Variants in AGMO observed in about 807,000 individuals in gnomAD.
The protein encoded by AGMO is glyceryl-ether monooxygenase.
Under a neutral mutation model 60.2 loss-of-function variants are expected in AGMO, and 75 were observed. The ratio of observed to expected loss-of-function variants is 1.25; its 90% confidence interval spans 1.03 to 1.51. The LOEUF (loss-of-function observed/expected upper bound fraction) is 1.51, where lower values mean the gene tolerates loss of function less well. Ranked by LOEUF, AGMO falls within the 40% of genes most tolerant of loss-of-function variation. The probability of loss-of-function intolerance (pLI) is 0.00; values close to 1 mark genes in which losing one functional copy is unlikely to be tolerated. For missense variants in AGMO, 763 were observed against 525.5 expected, an observed-to-expected ratio of 1.45 and a Z score of -4.42; for synonymous variants, 261 against 177.1, an observed-to-expected ratio of 1.47 and a Z score of -3.76.
chr7:15,427,623 T>C (rs1482456306), intron 4 of AGMO, among the ~76,000 whole-genome samples: 1 of 152,196 alleles, frequency 6.6e-6, no homozygotes, highest in African/African-American at 2.4e-5. Flanking sequence ...AAAAATGAAG[T>C]TATAATCCTG....
intron 12 of AGMO, among the ~76,000 whole-genome samples, chr7:15,290,851 G>T (rs1583370014): frequency 6.6e-6 from 1 of 152,274 alleles, no homozygotes; most frequent in South Asian, 2.1e-4. Context: ...TAGACCACCT[G>T]ATTCAGAATC....
At chr7:15,495,926 C>T (rs2128523095) in intron 3 of AGMO, among the ~76,000 whole-genome samples, 1 of 151,928 alleles carries the variant, frequency 6.6e-6, no homozygotes, top group South Asian at 2.1e-4. Context: ...TATAAGGGCA[C>T]AAAATTCATT....
intron 12 of AGMO, among the ~76,000 whole-genome samples, chr7:15,353,972 T>C (rs1011864071): frequency 6.6e-6 from 1 of 152,172 alleles, no homozygotes; most frequent in Admixed American, 6.5e-5. Context: ...CAATACATTT[T>C]GGAAAATTTC....
At chr7:15,283,540 C>G (rs769367490) in intron 12 of AGMO, among the ~76,000 whole-genome samples, 1 of 151,780 alleles carries the variant, frequency 6.6e-6, no homozygotes, top group Non-Finnish European at 1.5e-5. Context: ...TATTATAATC[C>G]TAAATTTACA....
chr7:15,263,249 T>C (rs879078078), intron 12 of AGMO, among the ~76,000 whole-genome samples: 1 of 151,228 alleles, frequency 6.6e-6, no homozygotes, highest in East Asian at 1.9e-4. Flanking sequence ...AAAAATCCCA[T>C]CAAAAACCAG....
intron 12 of AGMO, among the ~76,000 whole-genome samples, chr7:15,248,459 T>G (rs1322058410): frequency 6.6e-6 from 1 of 151,820 alleles, no homozygotes; most frequent in African/African-American, 2.4e-5. Context: ...AATTGCCAAT[T>G]TCTATTCATT....
chr7:15,301,616 T>A (rs149547344), intron 12 of AGMO, among the ~76,000 whole-genome samples: 2 of 152,008 alleles, frequency 1.3e-5, no homozygotes, highest in African/African-American at 4.8e-5. Context: ...AGCAAAAGCA[T>A]AGGAATGCTA....
the AGMO span, among the ~76,000 whole-genome samples, chr7:15,150,471 A>G: frequency 6.6e-6 from 1 of 152,088 alleles, no homozygotes; most frequent in Non-Finnish European, 1.5e-5. Flanking sequence ...ATTTTGAGGT[A>G]TGTTCCTTCA....
intron 3 of AGMO, among the ~76,000 whole-genome samples, chr7:15,542,072 A>G (rs1353237481): frequency 6.6e-6 from 1 of 152,136 alleles, no homozygotes; most frequent in Non-Finnish European, 1.5e-5. Flanking sequence ...GAAATTTGAT[A>G]TTATATGGGG....
At chr7:15,322,806 T>G (rs1225108222) in intron 12 of AGMO, among the ~76,000 whole-genome samples, 1 of 139,788 alleles carries the variant, frequency 7.2e-6, no homozygotes, top group Non-Finnish European at 1.5e-5. Context: ...GGAAAAAATA[T>G]GTATACACAT....
intron 12 of AGMO, among the ~76,000 whole-genome samples, chr7:15,279,259 T>G (rs76573831): frequency 0.1 from 15,201 of 152,200 alleles, 805 homozygotes; most frequent in East Asian, 0.21. Flanking sequence ...CTCTCTCAGC[T>G]GTGCACTGGT....
chr7:15,198,299 T>C (rs111498950), downstream of AGMO, among the ~76,000 whole-genome samples: 86 of 146,036 alleles, frequency 5.9e-4, no homozygotes, highest in African/African-American at 2.0e-3. Context: ...CCAGTAAGCA[T>C]ACATTACATG....
rs778377663 is a variant in AGMO, at chr7:15,328,496, G to T, written c.1263+37018C>A. Among the ~76,000 whole-genome samples, 29 of 152,268 alleles carry T rather than the reference G, an allele frequency of 1.9e-4. No individual in the cohort carries two copies. The South Asian group carries it at 2.1e-3, about 11-fold the overall frequency. On this transcript the variant is annotated intron_variant, in intron 12 of 12. Coordinates refer to ENST00000342526, the MANE Select transcript of AGMO (RefSeq NM_001004320.2). Reference sequence around the variant, plus strand: ...TCTTCCCATAGGAGCTGTGTTAATTGTAAGAAATTCCCTCTTTCTGAGAGG... The same window carrying T: ...TCTTCCCATAGGAGCTGTGTTAATTTTAAGAAATTCCCTCTTTCTGAGAGG...
At chr7:15,164,051 C>T in the AGMO span, among the ~76,000 whole-genome samples, 1 of 151,984 alleles carries the variant, frequency 6.6e-6, no homozygotes, top group Non-Finnish European at 1.5e-5. Context: ...AAAATAGACA[C>T]ATAGATGAAT....
chr7:15,186,199 T>C, the AGMO span, among the ~76,000 whole-genome samples: 165 of 152,346 alleles, frequency 1.1e-3, no homozygotes, highest in African/African-American at 3.8e-3. Context: ...TGTAAAGCTT[T>C]GTTCATGAGT....
At chr7:15,557,186 A>G (rs955765248) in intron 2 of AGMO, among the ~76,000 whole-genome samples, 2 of 152,064 alleles carry the variant, frequency 1.3e-5, no homozygotes, top group African/African-American at 4.8e-5. Flanking sequence ...CAACATTTCT[A>G]TTACATGAAT....
At chr7:15,443,112 G>A (rs924542982) in intron 3 of AGMO, among the ~76,000 whole-genome samples, 1 of 152,172 alleles carries the variant, frequency 6.6e-6, no homozygotes, top group Non-Finnish European at 1.5e-5. Flanking sequence ...CCAAGTCCAC[G>A]TGTGTTCCAA....
At chr7:15,394,056 T>C (rs995158377) in intron 6 of AGMO, 57 bp downstream of exon 6, 7 of 1,320,820 alleles carry the variant, frequency 5.3e-6, no homozygotes, top group African/African-American at 4.4e-5. Context: ...TTAAGGAAAA[T>C]AATAATGCAA....
chr7:15,315,613 T>C (rs1780901409), intron 12 of AGMO, among the ~76,000 whole-genome samples: 1 of 152,120 alleles, frequency 6.6e-6, no homozygotes, highest in South Asian at 2.1e-4. Flanking sequence ...TGAGCCACTG[T>C]GCCCAGCCAT....
Sources: gnomAD v4.1 joint callset for allele counts (sites outside exome capture counted in the v4.1 genomes callset) on GRCh38, gnomAD v4.1.1 for gene constraint, MANE v1.5 for transcripts, NCBI Gene and HGNC (gene_info 2026-07-23, HGNC 2026-07-21) for gene names.